EIF2D: variants seen among roughly 807,000 people sequenced by gnomAD.
EIF2D encodes the protein hepatocellular carcinoma-associated antigen 56.
Under a neutral mutation model 77.4 loss-of-function variants are expected in EIF2D, and 56 were observed. The ratio of observed to expected loss-of-function variants is 0.72; its 90% CI spans 0.58 to 0.90. EIF2D has a LOEUF of 0.90. Ranked by LOEUF, EIF2D falls within the 40% of genes least tolerant of loss-of-function variation. The pLI is 0.00. For synonymous variants in EIF2D, 230 were observed against 271.0 expected, an observed-to-expected ratio of 0.85 and a Z score of 1.49; for missense variants, 574 against 706.5, an observed-to-expected ratio of 0.81 and a Z score of 2.13.
downstream of EIF2D, chr1:206,589,227 T>C (rs1669262563): frequency 6.5e-6 from 1 of 152,726 alleles, no homozygotes; most frequent in African/African-American, 2.4e-5. Context: ...TAAATGTCTT[T>C]CTTATATGGG....
intron 2 of EIF2D, chr1:206,583,729 C>T (rs1668986570): frequency 7.4e-6 from 2 of 271,064 alleles, no homozygotes; most frequent in African/African-American, 4.5e-5. Context: ...TTAGTTGCTC[C>T]CCTTCCTACC....
intron 7 of EIF2D, chr1:206,601,965 C>A: frequency 5.1e-6 from 1 of 197,074 alleles, no homozygotes. Context: ...TTGAATGTTC[C>A]AGAAGAAGAT....
chr1:206,586,720 G>A (rs894847864), downstream of EIF2D: 9 of 847,562 alleles, frequency 1.1e-5, no homozygotes, highest in South Asian at 4.8e-5. Context: ...TGTGAATCAC[G>A]GATGTGAACT....
chr1:206,597,258 T>G (rs1486697717), intron 11 of EIF2D, 63 bp from the exon 12 acceptor site: 1 of 1,261,214 alleles, frequency 7.9e-7, no homozygotes, highest in African/African-American at 1.5e-5. Flanking sequence ...TGAAGGCTAA[T>G]TCAGGATTCA....
chr1:206,589,440 T>C (rs1669271693), downstream of EIF2D: 1 of 152,068 alleles, frequency 6.6e-6, no homozygotes, highest in Non-Finnish European at 1.5e-5. Flanking sequence ...TTGGGAAAAA[T>C]TGTCCAAATG....
chr1:206,601,039 G>A lies in EIF2D; in HGVS notation c.903-731C>T, dbSNP rs1572400185. 5 of 152,206 alleles carry A rather than the reference G, an allele frequency of 3.3e-5. No individual in the cohort carries two copies. In the South Asian group the frequency reaches 8.3e-4, roughly 25 times the overall value. The allele number at this position is 152,206 out of a possible 1,614,324, so 9.4% of individuals were successfully genotyped here. A position where few individuals can be genotyped will look rare whatever the true frequency, so the allele number is the denominator to read the frequency against. On this transcript the variant is annotated intron_variant, in intron 7 of 14. Transcript: ENST00000271764. ...TCTCAAAACATGACACGCAATAGCA[G>A]TGGATTCTCGAGGAGTCCTTCTAGA...
chr1:206,595,645 C>T lies in EIF2D; in HGVS notation c.1509+73G>A, dbSNP rs1365043422. On this transcript the variant is annotated intron_variant, in intron 13 of 14. Transcript: ENST00000271764. Reference sequence around the variant, plus strand: ...TGAGGCCAATCTAAAAACCTCCAATCACATTAGGGAGACCAGAACTTGGCA... The same window carrying T: ...TGAGGCCAATCTAAAAACCTCCAATTACATTAGGGAGACCAGAACTTGGCA... 7.8e-6 allele frequency: 12 copies of T among 1,529,724 alleles called. No homozygotes were observed. The Admixed American group carries it at 2.2e-4, about 29-fold the overall frequency. The allele number at this position is 1,529,724 out of a possible 1,614,324, so 94.8% of individuals were successfully genotyped here.
chr1:206,587,147 G>A, downstream of EIF2D: 3 of 755,240 alleles, frequency 4.0e-6, no homozygotes, highest in Non-Finnish European at 6.5e-6. Context: ...TTGCACGAGG[G>A]TTCAGCTGTG....
At chr1:206,605,344 C>T (rs933456230) in intron 5 of EIF2D, 56 bp downstream of exon 5, 7 of 1,405,928 alleles carry the variant, frequency 5.0e-6, no homozygotes, top group Non-Finnish European at 7.0e-6. Context: ...TCACAGGCCC[C>T]ATCCTCTCCC....
Position 206,578,559 on chromosome 1 carries a change from G to A in EIF2D, c.*254+2133C>T, listed in dbSNP as rs146898492. 2.8e-3 allele frequency among the ~76,000 whole-genome samples: 423 copies of A among 152,264 alleles called. 2 individuals are homozygous for A. The highest frequency in any genetic ancestry group is 1.0e-2 in the African/African-American group (414 of 41,528). On this transcript the variant is annotated intron_variant and NMD_transcript_variant, in intron 4 of 5. Coordinates refer to the EIF2D transcript ENST00000472709. ...AAACAGGTGTGAGATGATTCAAATC[G>A]TGGGCCAGAAGGAGGAAAGACTGAC...
chr1:206,593,970 C>T, intron 13 of EIF2D, 177 bp from the exon 14 acceptor site: 1 of 526,792 alleles, frequency 1.9e-6, no homozygotes. Context: ...TAAATTGATT[C>T]TGTCTACCCC....
At chr1:206,575,446 G>GT (rs1355655385) in intron 4 of EIF2D, among the ~76,000 whole-genome samples, 12 of 152,188 alleles carry the variant, frequency 7.9e-5, no homozygotes, top group Non-Finnish European at 1.3e-4. Flanking sequence ...TTAAGAATGC[G>GT]TAGACCGGCT....
intron 12 of EIF2D, 76 bp downstream of exon 12, chr1:206,597,024 A>G: frequency 9.5e-7 from 1 of 1,055,548 alleles, no homozygotes; most frequent in Non-Finnish European, 1.5e-6. Context: ...AGATAGTGAC[A>G]GTATTAAAGT....
At chr1:206,595,672 G>T in intron 13 of EIF2D, 46 bp downstream of exon 13, 1 of 1,593,946 alleles carries the variant, frequency 6.3e-7, no homozygotes, top group South Asian at 1.1e-5. Context: ...AACTTGGCAA[G>T]AACATTAAAT....
intron 4 of EIF2D, among the ~76,000 whole-genome samples, chr1:206,578,996 A>G (rs1553405715): frequency 6.6e-6 from 1 of 152,190 alleles, no homozygotes; most frequent in Non-Finnish European, 1.5e-5. Flanking sequence ...TTTTGTTAAG[A>G]ATATTTAAAT....
At chr1:206,598,188 C>G (rs548424319) in intron 11 of EIF2D, among the ~76,000 whole-genome samples, 19 of 152,068 alleles carry the variant, frequency 1.2e-4, no homozygotes, top group South Asian at 2.1e-4. Context: ...CAGGCATGCC[C>G]TACCATGCCC....
chr1:206,593,512 T>TGTGTGTGCGTGTGTGC (rs1175297746), intron 14 of EIF2D, 107 bp downstream of exon 14: 1 of 497,378 alleles, frequency 2.0e-6, no homozygotes, highest in African/African-American at 2.3e-5. Context: ...AGAGAGAGTG[T>TGTGTGTGCGTGTGTGC]GTGTGTGTGT....
intron 4 of EIF2D, among the ~76,000 whole-genome samples, chr1:206,572,924 A>G (rs782760502): frequency 2.0e-5 from 3 of 152,220 alleles, no homozygotes; most frequent in African/African-American, 7.2e-5. Flanking sequence ...TCAAGGTCCC[A>G]TATTGGGTCC....
intron 14 of EIF2D, among the ~76,000 whole-genome samples, chr1:206,593,304 A>G (rs1553409265): frequency 6.6e-6 from 1 of 152,174 alleles, no homozygotes; most frequent in East Asian, 1.9e-4. Context: ...CAATGGGCCT[A>G]GCACAAAAGT....
Sources: allele counts gnomAD v4.1 joint callset (sites outside exome capture counted in the v4.1 genomes callset), GRCh38; gene constraint gnomAD v4.1.1; transcripts MANE v1.5; gene names NCBI Gene and HGNC (gene_info 2026-07-23, HGNC 2026-07-21).